Variants in LYPLAL1 observed in about 807,000 individuals in gnomAD.
The protein encoded by LYPLAL1 is lysophospholipase like 1.
A neutral mutation model predicts 19.7 loss-of-function variants in LYPLAL1; 23 were observed. The ratio of observed to expected loss-of-function variants is 1.17; its 90% CI spans 0.84 to 1.65. The LOEUF (loss-of-function observed/expected upper bound fraction) is 1.65. Among genes scored for constraint, LYPLAL1 ranks in the 40% most tolerant of loss-of-function variants. The pLI, the probability that LYPLAL1 is intolerant of heterozygous loss-of-function variation, is 0.00. For missense variants in LYPLAL1, 355 were observed against 279.4 expected (o/e 1.27, Z -1.93); for synonymous variants, 119 against 96.3 (o/e 1.24, Z -1.38).
chr1:219,263,467 T>C, the LYPLAL1 span, among the ~76,000 whole-genome samples: 1 of 152,166 alleles, frequency 6.6e-6, no homozygotes, highest in Non-Finnish European at 1.5e-5. Context: ...CCTCTCCACC[T>C]TCCGATACTG....
chr1:219,236,986 G>GTT, the LYPLAL1 span, among the ~76,000 whole-genome samples: 1 of 151,370 alleles, frequency 6.6e-6, no homozygotes, highest in African/African-American at 2.4e-5. Flanking sequence ...TTCAGTTGTT[G>GTT]TTTTTTTTGT....
chr1:219,439,333 G>A, the LYPLAL1 span, among the ~76,000 whole-genome samples: 1 of 152,078 alleles, frequency 6.6e-6, no homozygotes, highest in Non-Finnish European at 1.5e-5. Context: ...AGTTTTTTGA[G>A]GACCAGAGTT....
At chr1:219,357,888 TG>T in the LYPLAL1 span, among the ~76,000 whole-genome samples, 1 of 152,148 alleles carries the variant, frequency 6.6e-6, no homozygotes, top group African/African-American at 2.4e-5. Flanking sequence ...AGCAAAGACA[TG>T]GATAGATCTT....
At chr1:219,213,180 A>G (rs935147397), downstream of LYPLAL1, among the ~76,000 whole-genome samples, 2 of 152,048 alleles carry the variant, frequency 1.3e-5, no homozygotes, top group African/African-American at 4.8e-5. Flanking sequence ...TGGTGAAACA[A>G]CTATCATCCA....
the LYPLAL1 span, among the ~76,000 whole-genome samples, chr1:219,399,984 G>A: frequency 6.6e-6 from 1 of 152,158 alleles, no homozygotes; most frequent in Non-Finnish European, 1.5e-5. Context: ...CCTGCCAACT[G>A]GAGTGTCTGT....
the LYPLAL1 span, among the ~76,000 whole-genome samples, chr1:219,324,682 G>C: frequency 6.6e-6 from 1 of 152,112 alleles, no homozygotes; most frequent in Admixed American, 6.6e-5. Context: ...TGGATGGTGA[G>C]TGAAATACAG....
chr1:219,227,535 T>G, the LYPLAL1 span, among the ~76,000 whole-genome samples: 1 of 152,212 alleles, frequency 6.6e-6, no homozygotes, highest in Admixed American at 6.5e-5. Flanking sequence ...CCAGCTTTCC[T>G]TAAATTTAGT....
At chr1:219,423,196 G>A in the LYPLAL1 span, among the ~76,000 whole-genome samples, 1 of 152,234 alleles carries the variant, frequency 6.6e-6, no homozygotes, top group Admixed American at 6.5e-5. Flanking sequence ...CAGGGCTGAG[G>A]AAAACCTTTC....
At chr1:219,440,020 C>CAT in the LYPLAL1 span, among the ~76,000 whole-genome samples, 5 of 90,668 alleles carry the variant, frequency 5.5e-5, no homozygotes, top group Admixed American at 3.4e-4. Flanking sequence ...TATACACACA[C>CAT]ACACATATAT....
At chr1:219,229,019 C>T in the LYPLAL1 span, among the ~76,000 whole-genome samples, 33 of 151,910 alleles carry the variant, frequency 2.2e-4, no homozygotes, top group African/African-American at 8.0e-4. Flanking sequence ...TAATCTTCAC[C>T]ACAACCCTTT....
At chr1:219,279,293 A>T in the LYPLAL1 span, among the ~76,000 whole-genome samples, 4 of 152,208 alleles carry the variant, frequency 2.6e-5, no homozygotes, top group African/African-American at 9.7e-5. Context: ...ATATGACTCC[A>T]TGCCAGTACA....
chr1:219,394,694 C>T, the LYPLAL1 span, among the ~76,000 whole-genome samples: 3 of 152,204 alleles, frequency 2.0e-5, no homozygotes, highest in South Asian at 6.2e-4. Context: ...TAATGTATGT[C>T]ACAGGGGTTT....
the LYPLAL1 span, among the ~76,000 whole-genome samples, chr1:219,334,222 T>C: frequency 6.6e-6 from 1 of 152,008 alleles, no homozygotes; most frequent in African/African-American, 2.4e-5. Context: ...CTTGTGACTT[T>C]GAGCAACCCT....
chr1:219,303,842 C>T, the LYPLAL1 span, among the ~76,000 whole-genome samples: 4 of 152,084 alleles, frequency 2.6e-5, no homozygotes, highest in African/African-American at 4.8e-5. Flanking sequence ...CTGATTGGCT[C>T]GGGTGGCTAC....
At chr1:219,237,420 T>A in the LYPLAL1 span, among the ~76,000 whole-genome samples, 1 of 152,234 alleles carries the variant, frequency 6.6e-6, no homozygotes, top group East Asian at 1.9e-4. Flanking sequence ...GGAAAAGTTT[T>A]CAACAGTTAC....
the LYPLAL1 span, chr1:219,272,790 G>A: frequency 2.0e-5 from 3 of 150,818 alleles, no homozygotes; most frequent in African/African-American, 7.3e-5. Flanking sequence ...AAAAAAGTAG[G>A]AGGAGTAAAC....
At chr1:219,218,953 GTCC>G in the LYPLAL1 span, among the ~76,000 whole-genome samples, 1 of 152,102 alleles carries the variant, frequency 6.6e-6, no homozygotes, top group African/African-American at 2.4e-5. Context: ...GAGGCCAGCT[GTCC>G]TCCTCCTTAA....
chr1:219,272,353 TA>T, the LYPLAL1 span: 1 of 152,332 alleles, frequency 6.6e-6, no homozygotes, highest in South Asian at 2.1e-4. Context: ...AGATGACCCC[TA>T]AGAAGCAGGC....
chr1:219,346,146 TA>T, the LYPLAL1 span, among the ~76,000 whole-genome samples: 1 of 152,118 alleles, frequency 6.6e-6, no homozygotes, highest in Non-Finnish European at 1.5e-5. Flanking sequence ...AAGAAGGCTT[TA>T]TTGGGGTGCT....
Sources: allele counts gnomAD v4.1 joint callset (sites outside exome capture counted in the v4.1 genomes callset), GRCh38; gene constraint gnomAD v4.1.1; transcripts MANE v1.5; gene names NCBI Gene and HGNC (gene_info 2026-07-23, HGNC 2026-07-21).